Variants in IFT43 observed in about 807,000 individuals in gnomAD.
IFT43 encodes the protein intraflagellar transport 43.
In IFT43, 33 loss-of-function variants were observed where a neutral mutation model predicts 32.3. That is an observed-to-expected ratio of 1.02 (90% confidence interval 0.77 to 1.37). The LOEUF (loss-of-function observed/expected upper bound fraction) is 1.37, where lower values mean the gene tolerates loss of function less well. Ranked by LOEUF, IFT43 falls within the 40% of genes most tolerant of loss-of-function variation. The pLI is 0.00. For synonymous variants in IFT43, 93 were observed against 98.2 expected (o/e 0.95, Z 0.31); for missense variants, 274 against 265.9 (o/e 1.03, Z -0.21).
At chr14:76,070,399 A>T (rs1442460564) in intron 5 of IFT43, among the ~76,000 whole-genome samples, 7 of 152,210 alleles carry the variant, frequency 4.6e-5, no homozygotes, top group Non-Finnish European at 8.8e-5. Context: ...AAGTAGAAAG[A>T]ATTCTTTAAA....
At chr14:76,079,680 A>T (rs748258845) in intron 5 of IFT43, among the ~76,000 whole-genome samples, 31 of 152,188 alleles carry the variant, frequency 2.0e-4, no homozygotes, top group Admixed American at 3.9e-4. Flanking sequence ...TGGATTTTTT[A>T]AAATGGTGGT....
At chr14:76,018,477 A>C (rs538082395) in intron 2 of IFT43, among the ~76,000 whole-genome samples, 1 of 152,190 alleles carries the variant, frequency 6.6e-6, no homozygotes, top group Admixed American at 6.5e-5. Flanking sequence ...CATATGGTCT[A>C]TTCTGGAGAA....
chr14:76,015,925 C>T (rs993315754), intron 2 of IFT43, among the ~76,000 whole-genome samples: 1 of 152,110 alleles, frequency 6.6e-6, no homozygotes, highest in African/African-American at 2.4e-5. Context: ...CTCTGATGCT[C>T]AGTGATGTAG....
chr14:76,070,642 A>C (rs1204849447), intron 5 of IFT43, among the ~76,000 whole-genome samples: 1 of 152,070 alleles, frequency 6.6e-6, no homozygotes, highest in Non-Finnish European at 1.5e-5. Context: ...CCAGTATTGG[A>C]GGTGGGGCCT....
At chr14:76,040,472 T>G (rs2140006684) in intron 3 of IFT43, among the ~76,000 whole-genome samples, 1 of 152,338 alleles carries the variant, frequency 6.6e-6, no homozygotes, top group Middle Eastern at 3.4e-3. Context: ...TGAAGGTGCA[T>G]CAGCCTTTTT....
chr14:76,038,900 C>A (rs181933163), intron 3 of IFT43, among the ~76,000 whole-genome samples: 22 of 152,140 alleles, frequency 1.4e-4, no homozygotes, highest in Admixed American at 5.2e-4. Flanking sequence ...GGAGCCTGTT[C>A]CCTGTTAAAC....
At chr14:76,010,561 A>G (rs2036064212) in intron 2 of IFT43, among the ~76,000 whole-genome samples, 1 of 152,060 alleles carries the variant, frequency 6.6e-6, no homozygotes, top group Non-Finnish European at 1.5e-5. Context: ...ATTTGCTTAA[A>G]TTATAATTTA....
intron 3 of IFT43, chr14:76,058,078 T>C (rs1434899792): frequency 1.8e-5 from 3 of 167,542 alleles, no homozygotes; most frequent in African/African-American, 7.2e-5. Context: ...TTATGCACCC[T>C]GACGTGTGAG....
intron 3 of IFT43, among the ~76,000 whole-genome samples, chr14:76,054,523 A>T (rs1490019122): frequency 6.6e-6 from 1 of 152,238 alleles, no homozygotes; most frequent in Non-Finnish European, 1.5e-5. Context: ...TGCAGTGCCC[A>T]GCGTCCCTCT....
At chr14:75,994,403 C>T (rs553948208) in intron 2 of IFT43, among the ~76,000 whole-genome samples, 26 of 152,308 alleles carry the variant, frequency 1.7e-4, no homozygotes, top group South Asian at 1.7e-3. Flanking sequence ...CATTTCAAAT[C>T]ACTTAACTGT....
At chr14:76,077,032 A>G (rs2140090888) in intron 5 of IFT43, among the ~76,000 whole-genome samples, 1 of 151,900 alleles carries the variant, frequency 6.6e-6, no homozygotes, top group Admixed American at 6.6e-5. Context: ...TTTGAAATAG[A>G]TTTGTACTGC....
At chr14:76,060,615 T>C (rs911576783) in intron 5 of IFT43, among the ~76,000 whole-genome samples, 5 of 126,910 alleles carry the variant, frequency 3.9e-5, no homozygotes, top group African/African-American at 1.5e-4. Flanking sequence ...CTGGCATCAG[T>C]TTCCTTCAGC....
intron 2 of IFT43, among the ~76,000 whole-genome samples, chr14:75,999,260 TATATATATATA>T (rs2035824913): frequency 2.0e-4 from 4 of 19,758 alleles, no homozygotes; most frequent in African/African-American, 2.8e-4. Context: ...TATATATATA[TATATATATATA>T]TGTATATATA....
rs1036132641 is a variant in IFT43, at chr14:76,053,048, C to G, written c.216-5594C>G. ...GCCCTACCACTTTCTAGGTAGGTAACCTTAGGCAGGTTACTTACCTCTCTT... is the reference window on the plus strand; with the variant it reads ...GCCCTACCACTTTCTAGGTAGGTAAGCTTAGGCAGGTTACTTACCTCTCTT... On this transcript the variant is annotated intron_variant, in intron 3 of 8. Transcript: ENST00000314067. Among the ~76,000 whole-genome samples the G allele has an allele frequency of 7.2e-5, 11 of 152,160 alleles. No homozygotes were observed. The East Asian group carries it at 1.9e-3, about 27-fold the overall frequency.
rs1431384722 is a variant in IFT43, at chr14:75,999,258, TATATATATATATATGTATATATA to T, written c.147+10282_147+10304del. ...ATATATATATATATATATATATATA[TATATATATATATATGTATATATA>T]TTTTTTTTTTTTTTTTTTTAATTTT... On this transcript the variant is annotated intron_variant, in intron 2 of 8. Transcript: ENST00000314067. 3.0e-3 allele frequency among the ~76,000 whole-genome samples: 42 copies of T among 13,844 alleles called. 3 individuals carry two copies. The highest frequency in any genetic ancestry group is 0.011 in the African/African-American group (36 of 3,262). 9.1% of individuals were successfully genotyped at this position (13,844 alleles called of 152,430 possible). A position where few individuals can be genotyped will look rare whatever the true frequency, so the allele number is the denominator to read the frequency against.
At chr14:76,062,333 G>A (rs189007211) in intron 5 of IFT43, among the ~76,000 whole-genome samples, 6,683 of 152,068 alleles carry the variant, frequency 0.044, 188 homozygotes, top group Admixed American at 0.062. Context: ...GCCTCCCAAA[G>A]TGCTGGGATT....
chr14:76,015,836 T>G (rs1594818216), intron 2 of IFT43, among the ~76,000 whole-genome samples: 1 of 152,232 alleles, frequency 6.6e-6, no homozygotes, highest in Non-Finnish European at 1.5e-5. Flanking sequence ...GTTAGTAAAG[T>G]GACAGTTCAG....
chr14:76,043,193 G>A (rs980190055), intron 3 of IFT43, among the ~76,000 whole-genome samples: 4 of 152,206 alleles, frequency 2.6e-5, no homozygotes, highest in African/African-American at 9.7e-5. Flanking sequence ...TGCTTGAAAC[G>A]AGTCCTTTTA....
chr14:76,061,223 G>C (rs1316444437), intron 5 of IFT43, among the ~76,000 whole-genome samples: 1 of 152,100 alleles, frequency 6.6e-6, no homozygotes, highest in Non-Finnish European at 1.5e-5. Context: ...TCTTATCTTT[G>C]TTCCCCTGTA....
Sources: gnomAD v4.1 joint callset for allele counts (sites outside exome capture counted in the v4.1 genomes callset) on GRCh38, gnomAD v4.1.1 for gene constraint, MANE v1.5 for transcripts, NCBI Gene and HGNC (gene_info 2026-07-23, HGNC 2026-07-21) for gene names.